FHIP1A: variants seen among roughly 807,000 people sequenced by gnomAD.
FHIP1A encodes FHF complex subunit HOOK interacting protein 1A.
A neutral mutation model predicts 88.6 loss-of-function variants in FHIP1A; 61 were observed. That is an observed-to-expected ratio of 0.69 (90% CI 0.56 to 0.85). FHIP1A has a LOEUF of 0.85. FHIP1A is among the 40% of genes least tolerant of loss of function. The probability of loss-of-function intolerance (pLI) is 0.00; values close to 1 mark genes in which losing one functional copy is unlikely to be tolerated. For synonymous variants in FHIP1A, 478 were observed against 496.0 expected (o/e 0.96, Z 0.48); for missense variants, 1,154 against 1,273.5 (o/e 0.91, Z 1.43).
chr4:151,479,441 G>A (rs1366340295), intron 2 of FHIP1A, among the ~76,000 whole-genome samples: 1 of 151,982 alleles, frequency 6.6e-6, no homozygotes. Flanking sequence ...TCTACTATGG[G>A]AGATTCCACA....
chr4:151,576,647 G>C (rs1344617069), intron 4 of FHIP1A: 2 of 152,146 alleles, frequency 1.3e-5, no homozygotes, highest in Non-Finnish European at 2.9e-5. Flanking sequence ...GGTTGTCTCA[G>C]AATTTTTAAG....
chr4:151,604,231 G>A (rs1734982238), intron 7 of FHIP1A, among the ~76,000 whole-genome samples: 1 of 151,708 alleles, frequency 6.6e-6, no homozygotes, highest in African/African-American at 2.4e-5. Flanking sequence ...AGTCTTCTCT[G>A]TTCCCTAGAG....
At chr4:151,588,748 T>G in intron 6 of FHIP1A, 92 bp from the exon 7 acceptor site, 1 of 859,086 alleles carries the variant, frequency 1.2e-6, no homozygotes, top group African/African-American at 1.7e-5. Context: ...TGGATTTCCT[T>G]TTTGAGTTCA....
intron 11 of FHIP1A, among the ~76,000 whole-genome samples, chr4:151,651,624 G>A (rs909487771): frequency 3.9e-5 from 6 of 152,190 alleles, no homozygotes; most frequent in Non-Finnish European, 5.9e-5. Flanking sequence ...TTTATGACAC[G>A]TAGCACCCAG....
At chr4:151,601,696 TG>T (rs1560793066) in intron 7 of FHIP1A, among the ~76,000 whole-genome samples, 2 of 151,084 alleles carry the variant, frequency 1.3e-5, no homozygotes, top group Non-Finnish European at 2.9e-5. Flanking sequence ...GGGTGTGCAG[TG>T]GAAGAGCATT....
At chr4:151,518,974 C>T (rs527455071) in intron 3 of FHIP1A, among the ~76,000 whole-genome samples, 25 of 152,240 alleles carry the variant, frequency 1.6e-4, no homozygotes, top group Admixed American at 1.5e-3. Context: ...CACCTAGCTG[C>T]ATCTTAATTT....
chr4:151,553,126 G>A (rs774023785), intron 3 of FHIP1A, among the ~76,000 whole-genome samples: 1 of 152,132 alleles, frequency 6.6e-6, no homozygotes, highest in Non-Finnish European at 1.5e-5. Flanking sequence ...AGATGAACAT[G>A]ATCTACAGAA....
chr4:151,409,735 G>GGA (rs1285777681), intron 1 of FHIP1A, among the ~76,000 whole-genome samples: 8 of 152,116 alleles, frequency 5.3e-5, no homozygotes, highest in South Asian at 4.2e-4. Flanking sequence ...ACTGACCCTG[G>GGA]GAGAGAGAGA....
At chr4:151,475,857 CT>C (rs543980884) in intron 2 of FHIP1A, among the ~76,000 whole-genome samples, 1,609 of 145,200 alleles carry the variant, frequency 0.011, 21 homozygotes, top group Non-Finnish European at 0.019. Context: ...AATTCAATCT[CT>C]ATTATCGATT....
chr4:151,540,838 C>G (rs946390023), intron 3 of FHIP1A, among the ~76,000 whole-genome samples: 13 of 152,164 alleles, frequency 8.5e-5, no homozygotes, highest in Non-Finnish European at 1.9e-4. Flanking sequence ...GGAGCATGAG[C>G]TTCTATGGCT....
At chr4:151,646,778 C>G (rs1199768793) in intron 10 of FHIP1A, 30 bp downstream of exon 10, 1 of 1,453,356 alleles carries the variant, frequency 6.9e-7, no homozygotes, top group East Asian at 2.5e-5. Flanking sequence ...GATCTTTAAA[C>G]AAAAGGATGC....
In FHIP1A at chr4:151,650,446, A is replaced by G. The variant is rs1230282778; in HGVS notation, c.2405A>G (p.Lys802Arg). The change falls in exon 11 of 14, where the codon AAG becomes AGG. Residue 802 changes from lysine to arginine, a missense_variant. Transcript: ENST00000435205. ...SKGEKEKEGKKELEDEEDDFD... is the reference protein window; with the variant it reads ...SKGEKEKEGKRELEDEEDDFD... ...GGAGAAAAGGAGAAGGAGGGGAAGAAGGAGCTAGAAGATGAGGAGGATGAC... is the reference window on the plus strand; with the variant it reads ...GGAGAAAAGGAGAAGGAGGGGAAGAGGGAGCTAGAAGATGAGGAGGATGAC... The G allele has an allele frequency of 2.6e-6, 4 of 1,551,702 alleles. No individual in the cohort carries two copies. The Admixed American group carries it at 7.8e-5, about 30-fold the overall frequency.
At chr4:151,659,471 T>C (rs1420352736) in intron 13 of FHIP1A, among the ~76,000 whole-genome samples, 2 of 152,202 alleles carry the variant, frequency 1.3e-5, no homozygotes, top group East Asian at 1.9e-4. Flanking sequence ...GGTTTCCAAG[T>C]GTCTGTGTGC....
chr4:151,593,390 C>T (rs3920328), intron 7 of FHIP1A, among the ~76,000 whole-genome samples: 7 of 152,188 alleles, frequency 4.6e-5, no homozygotes, highest in Non-Finnish European at 8.8e-5. Context: ...GCTTCCTATC[C>T]ATGAGCATAG....
intron 3 of FHIP1A, among the ~76,000 whole-genome samples, chr4:151,540,772 C>T (rs1732254240): frequency 6.6e-6 from 1 of 152,072 alleles, no homozygotes; most frequent in Admixed American, 6.5e-5. Context: ...TTTTGCTCTC[C>T]TGAGTCAGGC....
intron 3 of FHIP1A, among the ~76,000 whole-genome samples, chr4:151,510,437 T>A (rs1035847732): frequency 6.6e-6 from 1 of 152,192 alleles, no homozygotes; most frequent in Non-Finnish European, 1.5e-5. Flanking sequence ...GAGATTTTTT[T>A]ATTTTGAAAT....
At position 151,586,705 on chromosome 4, in the gene FHIP1A, A is replaced by G. The variant is rs554937047; in HGVS notation, c.797A>G (p.Glu266Gly). Residue 266 changes from glutamate (E) to glycine (G), a missense_variant, in exon 6 of 14, where the codon GAG (glutamate) becomes GGG (glycine). Glu to Gly is a moderately conservative substitution (Grantham distance 98, BLOSUM62 -2). Transcript: ENST00000435205. ...CCTACAAAGCTAGAAGAGAAAGGCG[A>G]GGAATGGCACTGCCTTCTGAAAGAT... ...SLPTKLEEKG[E>G]EWHCLLKDDW... 7.7e-6 allele frequency: 12 copies of G among 1,551,334 alleles called. No homozygotes were observed. The East Asian group carries it at 2.7e-4, about 35-fold the overall frequency.
intron 3 of FHIP1A, among the ~76,000 whole-genome samples, chr4:151,553,526 G>A (rs185738119): frequency 6.2e-4 from 94 of 152,084 alleles, no homozygotes; most frequent in African/African-American, 1.6e-3. Context: ...CTTTTAACTC[G>A]TAGGATAATC....
chr4:151,616,216 C>T (rs12647742), intron 7 of FHIP1A, among the ~76,000 whole-genome samples: 9,141 of 152,126 alleles, frequency 0.06, 679 homozygotes, highest in South Asian at 0.23. Flanking sequence ...GTATAAAGGG[C>T]TCTCCTCCCC....
Sources: allele counts gnomAD v4.1 joint callset (sites outside exome capture counted in the v4.1 genomes callset), GRCh38; gene constraint gnomAD v4.1.1; transcripts MANE v1.5; gene names NCBI Gene and HGNC (gene_info 2026-07-23, HGNC 2026-07-21).